SYTL5: variants seen among roughly 807,000 people sequenced by gnomAD.
SYTL5 encodes the protein synaptotagmin-like protein 5.
SYTL5 carries 34 observed loss-of-function variants against 55.9 expected under a neutral mutation model. The observed-to-expected ratio is 0.61, with a 90% CI of 0.46 to 0.81. The LOEUF (loss-of-function observed/expected upper bound fraction) is 0.81, where lower values mean the gene tolerates loss of function less well. Among genes scored for constraint, SYTL5 ranks in the 30% least tolerant of loss-of-function variants. SYTL5 has a pLI of 0.00. For missense variants in SYTL5, 637 were observed against 546.7 expected (o/e 1.17, Z -1.65); for synonymous variants, 221 against 188.7 (o/e 1.17, Z -1.40).
the SYTL5 span, among the ~76,000 whole-genome samples, chrX:37,988,105 G>C: frequency 8.9e-6 from 1 of 112,106 alleles, no homozygotes; most frequent in East Asian, 2.8e-4. Flanking sequence ...TGTATTATCT[G>C]ATAGAACCTA....
At chrX:37,945,389 A>T in the SYTL5 span, among the ~76,000 whole-genome samples, 13 of 111,907 alleles carry the variant, frequency 1.2e-4, no homozygotes, top group Non-Finnish European at 1.1e-4. Context: ...TATTTCAGAA[A>T]ATTATTTTCT....
the SYTL5 span, among the ~76,000 whole-genome samples, chrX:37,922,121 C>A: frequency 1.8e-5 from 2 of 112,167 alleles, no homozygotes; most frequent in Non-Finnish European, 3.8e-5. Context: ...ACTACTTCAT[C>A]ACCATCTCAA....
intron 1 of SYTL5, among the ~76,000 whole-genome samples, chrX:38,012,645 C>G (rs1252677549): frequency 1.8e-5 from 2 of 111,999 alleles, no homozygotes; most frequent in Non-Finnish European, 3.8e-5. Context: ...ATACAAATAG[C>G]AGAGTATAGA....
At chrX:38,077,854 T>G (rs1602373419) in intron 6 of SYTL5, among the ~76,000 whole-genome samples, 1 of 111,841 alleles carries the variant, frequency 8.9e-6, no homozygotes, top group East Asian at 2.8e-4. Context: ...TCATGCTGTG[T>G]CCCACAAAAC....
the SYTL5 span, among the ~76,000 whole-genome samples, chrX:37,977,960 GTAGGA>G: frequency 4.5e-5 from 5 of 111,427 alleles, no homozygotes; most frequent in Admixed American, 9.6e-5. Flanking sequence ...TTGATCACTT[GTAGGA>G]TAGAAGAAGA....
intron 9 of SYTL5, among the ~76,000 whole-genome samples, chrX:38,100,718 C>A (rs946130362): frequency 9.0e-6 from 1 of 111,273 alleles, no homozygotes; most frequent in Non-Finnish European, 1.9e-5. Flanking sequence ...GGTGTAACTA[C>A]TTCTGAAAAT....
the SYTL5 span, among the ~76,000 whole-genome samples, chrX:37,939,258 T>TA: frequency 7.3e-4 from 63 of 86,373 alleles, no homozygotes; most frequent in African/African-American, 2.0e-3. Flanking sequence ...AAACTCCTTC[T>TA]AAAAAAAAAA....
At chrX:38,105,098 T>C (rs1937174428) in intron 10 of SYTL5, among the ~76,000 whole-genome samples, 1 of 112,667 alleles carries the variant, frequency 8.9e-6, no homozygotes, top group African/African-American at 3.2e-5. Context: ...ATCTGATAAC[T>C]GAGACAGCTA....
the SYTL5 span, among the ~76,000 whole-genome samples, chrX:37,997,279 A>C: frequency 1.8e-5 from 2 of 111,876 alleles, no homozygotes; most frequent in Non-Finnish European, 1.9e-5. Context: ...TCCCTTTCAA[A>C]TTGGTGTGGC....
rs763539707 is a variant in SYTL5 at position 38,072,087 on chromosome X, A to C, written c.370A>C (p.Lys124Gln). 78 of 1,209,048 alleles carry C rather than the reference A, an allele frequency of 6.5e-5. No individual in the cohort carries two copies. Among genetic ancestry groups the C allele is most frequent in the Non-Finnish European group, 8.5e-5 (76 of 894,536 alleles). Residue 124 changes from lysine to glutamine, a missense_variant, in exon 4 of 17, where the codon AAG (lysine) becomes CAG (glutamine). Transcript: ENST00000297875. ...AACTGGTGAGTGGTTTTTTGAAGAA[A>C]AGGCAAAACGTTTCAAGCAAGTCAA... ...IITGEWFFEE[K>Q]AKRFKQVNVL...
the SYTL5 span, among the ~76,000 whole-genome samples, chrX:37,903,230 G>T: frequency 1.8e-5 from 2 of 109,993 alleles, no homozygotes; most frequent in Non-Finnish European, 3.8e-5. Context: ...AAATCATGCT[G>T]CTATAAAGAC....
At chrX:37,957,133 G>GTTAT in the SYTL5 span, among the ~76,000 whole-genome samples, 43,462 of 109,891 alleles carry the variant, frequency 0.4, 6,283 homozygotes, top group East Asian at 0.6. Flanking sequence ...TTTAAATTTG[G>GTTAT]TTGTTTTTCT....
the SYTL5 span, among the ~76,000 whole-genome samples, chrX:37,893,502 A>T: frequency 2.1e-5 from 2 of 93,298 alleles, no homozygotes; most frequent in African/African-American, 7.8e-5. Flanking sequence ...GATAATCTAT[A>T]GATTGTATAT....
At chrX:37,983,870 C>T in the SYTL5 span, among the ~76,000 whole-genome samples, 5 of 111,193 alleles carry the variant, frequency 4.5e-5, no homozygotes, top group Non-Finnish European at 7.6e-5. Context: ...GGAAAGTAAA[C>T]GACACACTCC....
At chrX:37,919,922 A>T in the SYTL5 span, among the ~76,000 whole-genome samples, 1 of 111,872 alleles carries the variant, frequency 8.9e-6, no homozygotes, top group Non-Finnish European at 1.9e-5. Context: ...GAAATTAAGT[A>T]TACCTCGTAT....
At chrX:37,945,242 G>A in the SYTL5 span, among the ~76,000 whole-genome samples, 3 of 112,217 alleles carry the variant, frequency 2.7e-5, no homozygotes, top group South Asian at 3.7e-4. Flanking sequence ...AAAATATGAT[G>A]TGGTTTTATT....
At chrX:38,005,079 T>TA (rs1933957374), upstream of SYTL5, among the ~76,000 whole-genome samples, 1 of 110,744 alleles carries the variant, frequency 9.0e-6, no homozygotes, top group African/African-American at 3.3e-5. Context: ...AAATTACAAA[T>TA]AAAAAATCCT....
intron 6 of SYTL5, among the ~76,000 whole-genome samples, chrX:38,077,110 A>G (rs1327355099): frequency 2.7e-5 from 3 of 111,772 alleles, no homozygotes; most frequent in Non-Finnish European, 5.6e-5. Context: ...TTCCTCAGAG[A>G]CTTTTTCATA....
intron 1 of SYTL5, among the ~76,000 whole-genome samples, chrX:38,007,229 G>A (rs1008969447): frequency 9.0e-6 from 1 of 111,545 alleles, no homozygotes; most frequent in African/African-American, 3.2e-5. Context: ...TCAGTAGAAG[G>A]ATTAATAAAG....
Sources: allele counts gnomAD v4.1 joint callset (sites outside exome capture counted in the v4.1 genomes callset), GRCh38; gene constraint gnomAD v4.1.1; transcripts MANE v1.5; gene names NCBI Gene and HGNC (gene_info 2026-07-23, HGNC 2026-07-21).